AKAP9: variants seen among roughly 807,000 people sequenced by gnomAD.
AKAP9 encodes A-kinase anchor protein 9.
A neutral mutation model predicts 488.5 loss-of-function variants in AKAP9; 311 were observed. The observed-to-expected ratio is 0.64, with a 90% CI of 0.58 to 0.70. AKAP9 has a LOEUF of 0.70. Among genes scored for constraint, AKAP9 ranks in the 30% least tolerant of loss-of-function variants. AKAP9 has a pLI of 0.00. For missense variants in AKAP9, 4,215 were observed against 4,374.5 expected, an observed-to-expected ratio of 0.96 and a Z score of 1.03; for synonymous variants, 1,462 against 1,483.5, an observed-to-expected ratio of 0.99 and a Z score of 0.33.
chr7:92,005,800 G>A (rs1199961589), intron 8 of AKAP9, among the ~76,000 whole-genome samples: 1 of 145,218 alleles, frequency 6.9e-6, no homozygotes, highest in Non-Finnish European at 1.5e-5. Flanking sequence ...TGAGTAGCTG[G>A]GATTACAGGC....
chr7:91,962,260 C>G (rs1793822955), intron 1 of AKAP9, among the ~76,000 whole-genome samples: 1 of 152,146 alleles, frequency 6.6e-6, no homozygotes, highest in South Asian at 2.1e-4. Context: ...TGTTCCCTCT[C>G]TCACATTTTT....
intron 10 of AKAP9, among the ~76,000 whole-genome samples, chr7:92,014,628 C>CA (rs1472479843): frequency 6.6e-6 from 1 of 151,654 alleles, no homozygotes; most frequent in East Asian, 1.9e-4. Flanking sequence ...GACTCTGTCT[C>CA]AAAAAAATAA....
At chr7:92,108,019 CAAAA>C (rs60351982) in intron 48 of AKAP9, 45 of 143,892 alleles carry the variant, frequency 3.1e-4, no homozygotes, top group Middle Eastern at 3.4e-3. Flanking sequence ...ATTTGGTCTC[CAAAA>C]AAAAAAAAAA....
At chr7:91,970,149 G>A in intron 1 of AKAP9, among the ~76,000 whole-genome samples, 1 of 151,446 alleles carries the variant, frequency 6.6e-6, no homozygotes, top group East Asian at 1.9e-4. Flanking sequence ...TTAATGATAT[G>A]ACAACTTACT....
At chr7:91,947,199 GGA>G (rs1791562412) in intron 1 of AKAP9, among the ~76,000 whole-genome samples, 2 of 150,828 alleles carry the variant, frequency 1.3e-5, no homozygotes, top group South Asian at 2.1e-4. Flanking sequence ...TGTGTGTGCT[GGA>G]GAGAGGGAGA....
chr7:92,046,064 C>A (rs553772704), intron 21 of AKAP9, among the ~76,000 whole-genome samples: 1 of 152,164 alleles, frequency 6.6e-6, no homozygotes, highest in South Asian at 2.1e-4. Flanking sequence ...GAATTCCTGA[C>A]CTCAGGTGAT....
intron 8 of AKAP9, among the ~76,000 whole-genome samples, chr7:92,004,920 T>G (rs1799621461): frequency 1.3e-5 from 2 of 152,154 alleles, no homozygotes; most frequent in South Asian, 4.1e-4. Context: ...ATGCTTCCGG[T>G]TTTTGTCCAT....
intron 21 of AKAP9, 137 bp from the exon 22 acceptor site, chr7:92,052,589 T>A: frequency 1.7e-6 from 1 of 603,318 alleles, no homozygotes; most frequent in Non-Finnish European, 2.9e-6. Flanking sequence ...TTGCATATTT[T>A]ATTTGTTTGG....
intron 22 of AKAP9, chr7:92,058,369 A>T: frequency 1.8e-6 from 1 of 560,844 alleles, no homozygotes; most frequent in Non-Finnish European, 3.6e-6. Flanking sequence ...ACGGGCATAT[A>T]TTAAAGCTTA....
intron 12 of AKAP9, 21 bp downstream of exon 12, chr7:92,017,123 AT>A (rs777421173): frequency 1.0e-5 from 15 of 1,484,008 alleles, no homozygotes; most frequent in African/African-American, 1.4e-5. Flanking sequence ...TGGAAAATAT[AT>A]TGTAATATTT....
In AKAP9 at chr7:91,940,867, T is replaced by C; in HGVS notation, c.-233T>C. 1.0e-5 allele frequency: 6 copies of C among 583,372 alleles called. No homozygotes were observed. The South Asian group carries it at 1.2e-4, about 11-fold the overall frequency. 36.1% of individuals were successfully genotyped at this position (583,372 alleles called of 1,614,324 possible). The stretch of plus-strand genomic sequence containing the variant: ...AGCCCCTCCCGCCTCGCCGTGTGTT[T>C]ACGTGGAGACGAAGATGGCGGCGGC... On this transcript the variant is annotated 5_prime_UTR_variant, in exon 1 of 50. Coordinates refer to ENST00000356239, the MANE Select transcript of AKAP9 (RefSeq NM_005751.5).
intron 1 of AKAP9, among the ~76,000 whole-genome samples, chr7:91,947,415 T>C (rs185844038): frequency 5.9e-4 from 90 of 151,938 alleles, no homozygotes; most frequent in African/African-American, 2.1e-3. Context: ...CGATCTCGGC[T>C]CACTGCAACC....
At position 92,065,221 on chromosome 7, in the gene AKAP9, TAATA is replaced by T; in HGVS notation, c.5978-7_5978-4del. The T allele has an allele frequency of 6.6e-7, 1 of 1,509,472 alleles. No individual in the cohort carries two copies. The highest frequency in any genetic ancestry group is 9.2e-7 in the Non-Finnish European group (1 of 1,089,582). 93.5% of individuals were successfully genotyped at this position (1,509,472 alleles called of 1,614,324 possible). A position where few individuals can be genotyped will look rare whatever the true frequency, so the allele number is the denominator to read the frequency against. Reference sequence around the variant, plus strand: ...TGATTTAATTCAGTATATTTTGTATTAATAAACAGAATTACTACAGGAGACAGAA... The same window carrying T: ...TGATTTAATTCAGTATATTTTGTATTAACAGAATTACTACAGGAGACAGAA... On this transcript the variant is annotated splice_region_variant and splice_polypyrimidine_tract_variant and intron_variant, in intron 24 of 49. Transcript: ENST00000356239.
At chr7:92,016,073 T>C (rs1801471217) in intron 10 of AKAP9, 56 bp from the exon 11 acceptor site, 3 of 1,450,562 alleles carry the variant, frequency 2.1e-6, no homozygotes, top group Non-Finnish European at 2.9e-6. Flanking sequence ...GTTTAATCTT[T>C]AGAAGCAGAA....
rs887210886 is a variant in AKAP9, at chr7:91,973,879, G to T, written c.217G>T (p.Val73Leu). The change falls in exon 2 of 50, where the codon GTA (valine) becomes TTA (leucine). Residue 73 changes from valine to leucine, a missense_variant. By Grantham distance (32) the Val-to-Leu change is conservative (BLOSUM62 1). Around this residue, in one of 5 missense-constraint regions of AKAP9, gnomAD observed 2,361 missense variants for 2,430.0 expected, o/e 0.97. Coordinates refer to ENST00000356239, the MANE Select transcript of AKAP9 (RefSeq NM_005751.5). The part of the protein sequence containing the change: ...NEMYINSSQR[V>L]ESTVIPESTI... ...AATGTACATAAATAGTTCTCAGAGA[G>T]TAGAATCAACTGTGATTCCTGAATC... The T allele has an allele frequency of 5.0e-6, 8 of 1,613,880 alleles. No individual in the cohort carries two copies. Among genetic ancestry groups the T allele is most frequent in the Non-Finnish European group, 5.9e-6 (7 of 1,179,958 alleles).
At position 92,002,621 on chromosome 7, in the gene AKAP9, T is replaced by G. The variant is rs893173151; in HGVS notation, c.2704T>G (p.Leu902Val). 1.4e-5 allele frequency: 23 copies of G among 1,612,152 alleles called. No individual in the cohort carries two copies. Among genetic ancestry groups the G allele is most frequent in the Non-Finnish European group, 1.8e-5 (21 of 1,179,158 alleles). Residue 902 changes from leucine (L) to valine (V), a missense_variant, in exon 8 of 50, where the codon TTG becomes GTG. Coordinates refer to ENST00000356239, the MANE Select transcript of AKAP9 (RefSeq NM_005751.5). The part of the protein sequence containing the change: ...KLKALNEELH[L>V]QRINPTTVKM... ...TAAAGCACTTAATGAAGAGCTTCATTTGCAAAGAATAAATCCAACTACAGT... is the reference window on the plus strand; with the variant it reads ...TAAAGCACTTAATGAAGAGCTTCATGTGCAAAGAATAAATCCAACTACAGT...
At chr7:92,096,217 G>GCA (rs1816538010) in intron 40 of AKAP9, among the ~76,000 whole-genome samples, 1 of 151,618 alleles carries the variant, frequency 6.6e-6, no homozygotes, top group African/African-American at 2.4e-5. Context: ...TCATGATTAT[G>GCA]CACTAACTAC....
chr7:91,998,418 C>CTTTTTTTTTTTTTTTTTTTTTTTTTTT (rs60778133), intron 7 of AKAP9, among the ~76,000 whole-genome samples: 1 of 53,962 alleles, frequency 1.9e-5, no homozygotes, highest in Non-Finnish European at 4.0e-5. Context: ...CCACAGGGCT[C>CTTTTTTTTTTTTTTTTTTTTTTTTTTT]TTTTTTTTTT....
intron 38 of AKAP9, among the ~76,000 whole-genome samples, chr7:92,091,224 T>C (rs1190219559): frequency 6.6e-6 from 1 of 152,216 alleles, no homozygotes; most frequent in East Asian, 1.9e-4. Flanking sequence ...TTTTGTGTCA[T>C]GTACTGGTAG....
Sources: gnomAD v4.1 joint callset for allele counts (sites outside exome capture counted in the v4.1 genomes callset) on GRCh38, gnomAD v4.1.1 for gene constraint, gnomAD v4.1.1 regional missense constraint, MANE v1.5 for transcripts, NCBI Gene and HGNC (gene_info 2026-07-23, HGNC 2026-07-21) for gene names.